The following CACNA2D4 variants were observed in gnomAD, a reference collection of about 807,000 sequenced individuals.
CACNA2D4 encodes the protein calcium voltage-gated channel auxiliary subunit alpha2delta 4.
CACNA2D4 carries 157 observed loss-of-function variants against 163.8 expected under a neutral mutation model. The ratio of observed to expected loss-of-function variants is 0.96; its 90% CI spans 0.84 to 1.09. The LOEUF is 1.09. Among genes scored for constraint, CACNA2D4 ranks in the 50% least tolerant of loss-of-function variants. The probability of loss-of-function intolerance (pLI) is 0.00; values close to 1 mark genes in which losing one functional copy is unlikely to be tolerated. For synonymous variants in CACNA2D4, 598 were observed against 586.9 expected, an observed-to-expected ratio of 1.02 and a Z score of -0.27; for missense variants, 1,410 against 1,479.9, an observed-to-expected ratio of 0.95 and a Z score of 0.78.
intron 23 of CACNA2D4, among the ~76,000 whole-genome samples, chr12:1,853,712 G>A (rs921870990): frequency 3.3e-5 from 5 of 152,188 alleles, no homozygotes; most frequent in Non-Finnish European, 7.3e-5. Flanking sequence ...TTTGGCCAGG[G>A]GCATTTTGGC....
chr12:1,914,667 G>A (rs906508532), intron 2 of CACNA2D4, among the ~76,000 whole-genome samples, 187 bp downstream of exon 2: 7 of 152,082 alleles, frequency 4.6e-5, no homozygotes, highest in Non-Finnish European at 7.4e-5. Flanking sequence ...CCACGCCCCC[G>A]AACCACCCCC....
chr12:1,834,358 C>T lies in CACNA2D4; in HGVS notation c.2551+6381G>A, dbSNP rs142959308. On this transcript the variant is annotated intron_variant, in intron 26 of 37. Transcript: ENST00000382722. This position sits in a 1 kb window ranked among gnomAD's most constrained non-coding sequence, Gnocchi z 7.6. ...TCCCCATGGAGATGTTCAACTACTG[C>T]TCCCAGCTGGAGGACGAGAATAGCT... The T allele has an allele frequency of 1.8e-5, 29 of 1,613,058 alleles. No individual in the cohort carries two copies. The African/African-American group carries it at 3.6e-4, about 20-fold the overall frequency.
rs1404581606 is a variant in CACNA2D4 at position 1,802,082 on chromosome 12, T to G, written c.2722-438A>C. Among the ~76,000 whole-genome samples, 1 of 149,100 alleles carries G rather than the reference T, an allele frequency of 6.7e-6. No homozygotes were observed. The highest frequency in any genetic ancestry group is 1.5e-5 in the Non-Finnish European group (1 of 67,398). On this transcript the variant is annotated intron_variant, in intron 29 of 37. Coordinates refer to ENST00000382722, the MANE Select transcript of CACNA2D4 (RefSeq NM_172364.5). This position sits in a 1 kb window ranked among gnomAD's most constrained non-coding sequence, Gnocchi z 4.7. ...GTGTTGGGTCAGATATAAAACACGT[T>G]TCTGCAGGTCAAGGTCAGAAGCAGC...
intron 16 of CACNA2D4, among the ~76,000 whole-genome samples, chr12:1,876,011 C>G (rs375064523): frequency 1.3e-5 from 2 of 152,176 alleles, no homozygotes; most frequent in Non-Finnish European, 1.5e-5. Context: ...GCAGTTCAGG[C>G]GGAGATTTCA....
Position 1,909,798 on chromosome 12 carries a change from T to C in CACNA2D4, c.486+108A>G, listed in dbSNP as rs184364657. 378 of 851,078 alleles carry C rather than the reference T, an allele frequency of 4.4e-4. 3 individuals are homozygous for C. In the African/African-American group the frequency reaches 5.9e-3, roughly 13 times the overall value. 52.7% of individuals were successfully genotyped at this position (851,078 alleles called of 1,614,324 possible). On this transcript the variant is annotated intron_variant, in intron 4 of 37. Transcript: ENST00000382722. ...GTGAGGGGTGAGCAGTAAATGTCTA[T>C]GGAATCAGTGGATCGCCACCCTACG...
At chr12:1,796,649 AG>A (rs1377666151) in intron 35 of CACNA2D4, among the ~76,000 whole-genome samples, 1 of 152,218 alleles carries the variant, frequency 6.6e-6, no homozygotes, top group Non-Finnish European at 1.5e-5. Flanking sequence ...CACGACGCGC[AG>A]GGAGTGGGGG....
chr12:1,794,060 G>A (rs1863045332), intron 37 of CACNA2D4, among the ~76,000 whole-genome samples: 1 of 152,150 alleles, frequency 6.6e-6, no homozygotes, highest in Non-Finnish European at 1.5e-5. Flanking sequence ...TCTGGTCCCA[G>A]CAGACCAGAC....
At chr12:1,879,755 G>T (rs761852630) in intron 14 of CACNA2D4, 49 bp downstream of exon 14, 1 of 1,428,290 alleles carries the variant, frequency 7.0e-7, no homozygotes, top group East Asian at 2.4e-5. Flanking sequence ...TGGCACTGAA[G>T]CCCCAGGTTC....
chr12:1,844,302 T>C lies in CACNA2D4; in HGVS notation c.2470+100A>G. 1 of 1,393,972 alleles carries C rather than the reference T, an allele frequency of 7.2e-7. No homozygotes were observed. Among genetic ancestry groups the C allele is most frequent in the Non-Finnish European group, 9.8e-7 (1 of 1,018,340 alleles). The allele number at this position is 1,393,972 out of a possible 1,614,324, so 86.4% of individuals were successfully genotyped here. ...AACCCTGGTGGTCTGGACATTCTAT[T>C]CCATATCTCGTTCCCATTTCCCACT... On this transcript the variant is annotated intron_variant, in intron 25 of 37. Transcript: ENST00000382722. This position sits in a 1 kb window ranked among gnomAD's most constrained non-coding sequence, Gnocchi z 4.2.
intron 18 of CACNA2D4, among the ~76,000 whole-genome samples, chr12:1,862,593 A>T (rs1235161168): frequency 6.6e-6 from 1 of 152,050 alleles, no homozygotes; most frequent in Non-Finnish European, 1.5e-5. Context: ...TTGTATTTTT[A>T]GTAGAGACGG....
chr12:1,813,824 G>A (rs1007577323), intron 26 of CACNA2D4, among the ~76,000 whole-genome samples: 2 of 152,180 alleles, frequency 1.3e-5, no homozygotes, highest in Non-Finnish European at 2.9e-5. Context: ...GCTGGCTCAT[G>A]ACAAAGATGA....
At position 1,917,581 on chromosome 12, in the gene CACNA2D4, A is replaced by G. The variant is rs147085280; in HGVS notation, c.227+666T>C. Among the ~76,000 whole-genome samples, 33 of 152,324 alleles carry G rather than the reference A, an allele frequency of 2.2e-4. No individual in the cohort carries two copies. The highest frequency in any genetic ancestry group is 3.7e-4 in the Non-Finnish European group (25 of 68,030). On this transcript the variant is annotated intron_variant, in intron 1 of 37. Transcript: ENST00000382722. This position sits in a 1 kb window ranked among gnomAD's most constrained non-coding sequence, Gnocchi z 4.3. ...CCACCTGAGCTAGGGCCTAAAACAC[A>G]GACACCCCAGAGAGGTTGCACAGTA... is the stretch of plus-strand genomic sequence containing the variant.
At chr12:1,808,298 C>T (rs1404551791) in intron 29 of CACNA2D4, among the ~76,000 whole-genome samples, 1 of 152,246 alleles carries the variant, frequency 6.6e-6, no homozygotes, top group East Asian at 1.9e-4. Flanking sequence ...CCAAGCCTGG[C>T]TCACTGTTGA....
chr12:1,858,717 C>A, intron 19 of CACNA2D4, 73 bp from the exon 20 acceptor site: 1 of 1,214,486 alleles, frequency 8.2e-7, no homozygotes, highest in Non-Finnish European at 1.2e-6. Flanking sequence ...CTCGTCCTTG[C>A]CCTTACCAAC....
At chr12:1,887,306 T>C (rs1020157946) in intron 6 of CACNA2D4, among the ~76,000 whole-genome samples, 1 of 152,168 alleles carries the variant, frequency 6.6e-6, no homozygotes, top group East Asian at 1.9e-4. Flanking sequence ...TAGGACCACA[T>C]AGGTGGTGCC....
chr12:1,898,240 A>T (rs891479611), intron 6 of CACNA2D4, among the ~76,000 whole-genome samples: 5 of 152,160 alleles, frequency 3.3e-5, no homozygotes, highest in Middle Eastern at 3.2e-3. Context: ...GGACATCAAA[A>T]TTAAAAACCT....
At chr12:1,807,828 A>G (rs1863590272) in intron 29 of CACNA2D4, among the ~76,000 whole-genome samples, 1 of 152,120 alleles carries the variant, frequency 6.6e-6, no homozygotes, top group Non-Finnish European at 1.5e-5. Context: ...AGGGTGAGCC[A>G]AGCACGGCGG....
intron 18 of CACNA2D4, 115 bp from the exon 19 acceptor site, chr12:1,860,321 T>C: frequency 1.3e-6 from 1 of 745,010 alleles, no homozygotes. Flanking sequence ...CTCCGCCTTC[T>C]TGTCTCCTCC....
chr12:1,839,059 G>A (rs375661819), intron 26 of CACNA2D4, among the ~76,000 whole-genome samples: 2 of 152,314 alleles, frequency 1.3e-5, no homozygotes, highest in South Asian at 2.1e-4. Context: ...TTATCCCAGA[G>A]TGGCACACAG....
Sources: allele counts gnomAD v4.1 joint callset (sites outside exome capture counted in the v4.1 genomes callset), GRCh38; gene constraint gnomAD v4.1.1; non-coding constraint Gnocchi (gnomAD v3.1); transcripts MANE v1.5; gene names NCBI Gene and HGNC (gene_info 2026-07-23, HGNC 2026-07-21).